Variants in TLN2 observed in about 807,000 individuals in gnomAD.
TLN2 encodes the protein talin-2.
A neutral mutation model predicts 294.7 loss-of-function variants in TLN2; 118 were observed. The observed-to-expected ratio is 0.40, with a 90% CI of 0.34 to 0.47. The LOEUF (loss-of-function observed/expected upper bound fraction) is 0.47. Ranked by LOEUF, TLN2 falls within the 20% of genes least tolerant of loss-of-function variation. The probability of loss-of-function intolerance (pLI) is 0.84; values close to 1 mark genes in which losing one functional copy is unlikely to be tolerated. For missense variants in TLN2, 3,083 were observed against 3,282.2 expected (o/e 0.94, Z 1.48); for synonymous variants, 1,431 against 1,304.5 (o/e 1.10, Z -2.09).
At chr15:62,633,459 G>A (rs1483681103) in intron 3 of TLN2, among the ~76,000 whole-genome samples, 1 of 152,104 alleles carries the variant, frequency 6.6e-6, no homozygotes, top group Non-Finnish European at 1.5e-5. Flanking sequence ...ACCATGCCCA[G>A]CTAGTTTTTA....
intron 1 of TLN2, among the ~76,000 whole-genome samples, chr15:62,457,456 G>T (rs981483372): frequency 6.6e-6 from 1 of 152,200 alleles, no homozygotes; most frequent in Admixed American, 6.5e-5. Flanking sequence ...TTCATAGCAG[G>T]GGTTCTTGGA....
chr15:62,750,507 C>G lies in TLN2; in HGVS notation c.4209+16C>G. On this transcript the variant is annotated intron_variant, in intron 34 of 58. Coordinates refer to ENST00000636159, the MANE Select transcript of TLN2 (RefSeq NM_015059.3). Reference sequence around the variant, plus strand: ...AAACTCCAAGGTAAGACTGCCTATGCCGTAAGTCAGAAGTTAGCATTGCTT... The same window carrying G: ...AAACTCCAAGGTAAGACTGCCTATGGCGTAAGTCAGAAGTTAGCATTGCTT... 1 of 1,606,200 alleles carries G rather than the reference C, an allele frequency of 6.2e-7. No homozygotes were observed. Among genetic ancestry groups the G allele is most frequent in the Admixed American group, 1.7e-5 (1 of 60,016 alleles).
At chr15:62,583,488 T>G (rs1469793317) in intron 1 of TLN2, among the ~76,000 whole-genome samples, 1 of 150,016 alleles carries the variant, frequency 6.7e-6, no homozygotes, top group Non-Finnish European at 1.5e-5. Context: ...TTTTCTCCTC[T>G]CGCCCTTCTT....
intron 2 of TLN2, among the ~76,000 whole-genome samples, chr15:62,589,979 AGAG>A (rs1383809068): frequency 6.6e-6 from 1 of 151,936 alleles, no homozygotes; most frequent in Non-Finnish European, 1.5e-5. Flanking sequence ...GTAGGGGCCC[AGAG>A]GAGGAGCTGA....
rs79935205 is a variant in TLN2 at position 62,532,950 on chromosome 15, G to T, written c.-237-56737G>T. On this transcript the variant is annotated intron_variant, in intron 1 of 58. Transcript: ENST00000636159. ...GTGTGCAGGAATTCATGGGGAAGGG[G>T]TTGTTAAACATGTGGATTCTAGGCT... Among the ~76,000 whole-genome samples the T allele has an allele frequency of 6.6e-5, 10 of 152,164 alleles. No individual in the cohort carries two copies. The East Asian group carries it at 1.5e-3, about 24-fold the overall frequency.
At chr15:62,586,934 T>C (rs2045656772) in intron 1 of TLN2, among the ~76,000 whole-genome samples, 1 of 152,260 alleles carries the variant, frequency 6.6e-6, no homozygotes, top group Non-Finnish European at 1.5e-5. Context: ...TTCTTATGAC[T>C]ACAGGATTAT....
At chr15:62,447,517 T>C (rs1243364353) in intron 1 of TLN2, among the ~76,000 whole-genome samples, 3 of 149,372 alleles carry the variant, frequency 2.0e-5, no homozygotes, top group African/African-American at 7.4e-5. Flanking sequence ...TTTTTTGAGA[T>C]GGAGTCTCGC....
At chr15:62,666,719 T>C (rs1344683663) in intron 9 of TLN2, among the ~76,000 whole-genome samples, 3 of 152,234 alleles carry the variant, frequency 2.0e-5, no homozygotes, top group African/African-American at 7.2e-5. Context: ...ACCTGTGTTA[T>C]CACCTCACTT....
At chr15:62,415,850 G>C (rs1012916627) in intron 1 of TLN2, among the ~76,000 whole-genome samples, 1 of 152,220 alleles carries the variant, frequency 6.6e-6, no homozygotes, top group African/African-American at 2.4e-5. Context: ...GTTGTGGGGG[G>C]TAGCCCTCCA....
At chr15:62,407,434 C>G (rs1041019938) in intron 1 of TLN2, among the ~76,000 whole-genome samples, 3 of 152,158 alleles carry the variant, frequency 2.0e-5, no homozygotes, top group African/African-American at 7.2e-5. Flanking sequence ...GAATCAGAAG[C>G]TCAGGTTGCA....
intron 37 of TLN2, 144 bp downstream of exon 37, chr15:62,755,837 G>T (rs1375995512): frequency 1.8e-6 from 2 of 1,140,464 alleles, no homozygotes; most frequent in Non-Finnish European, 2.4e-6. Flanking sequence ...TCACTGAATA[G>T]GCATCCCTTA....
intron 1 of TLN2, among the ~76,000 whole-genome samples, chr15:62,472,140 G>A (rs2037513994): frequency 1.3e-5 from 2 of 152,070 alleles, no homozygotes; most frequent in South Asian, 2.1e-4. Context: ...AAGGACTGAT[G>A]TCTGGGAATC....
At chr15:62,792,195 A>G (rs1359947203) in intron 45 of TLN2, among the ~76,000 whole-genome samples, 1 of 152,196 alleles carries the variant, frequency 6.6e-6, no homozygotes, top group Admixed American at 6.5e-5. Context: ...TTGAACCTCT[A>G]ATTACCCTCT....
At chr15:62,561,401 C>T (rs573538824) in intron 1 of TLN2, 1 of 152,336 alleles carries the variant, frequency 6.6e-6, no homozygotes, top group Admixed American at 6.5e-5. Context: ...ACAGCTAACG[C>T]CTTCGCGAGA....
chr15:62,598,337 C>T (rs2046715443), intron 2 of TLN2, among the ~76,000 whole-genome samples: 1 of 152,174 alleles, frequency 6.6e-6, no homozygotes, highest in South Asian at 2.1e-4. Context: ...GTCTTGGACA[C>T]GTTCTTCCAC....
chr15:62,778,651 A>G (rs17740893), intron 43 of TLN2, among the ~76,000 whole-genome samples: 28,766 of 152,190 alleles, frequency 0.19, 2,805 homozygotes, highest in East Asian at 0.25. Flanking sequence ...CATTAGTGGT[A>G]TAGCCTATGC....
At chr15:62,397,409 C>CACCATACCT (rs1360658626) in intron 1 of TLN2, among the ~76,000 whole-genome samples, 1 of 152,110 alleles carries the variant, frequency 6.6e-6, no homozygotes, top group Non-Finnish European at 1.5e-5. Flanking sequence ...AGGAACTTGC[C>CACCATACCT]ACCATACCTG....
chr15:62,833,409 G>A, intron 54 of TLN2, 95 bp from the exon 55 acceptor site: 2 of 1,528,854 alleles, frequency 1.3e-6, no homozygotes, highest in Non-Finnish European at 1.8e-6. Context: ...ACAATAGGCA[G>A]GTGAAGAGCC....
chr15:62,788,550 C>CT (rs200246442), intron 45 of TLN2, among the ~76,000 whole-genome samples: 329 of 152,284 alleles, frequency 2.2e-3, no homozygotes, highest in African/African-American at 7.6e-3. Flanking sequence ...AGATAACAAT[C>CT]TTTTTTTCTT....
Sources: gnomAD v4.1 joint callset for allele counts (sites outside exome capture counted in the v4.1 genomes callset) on GRCh38, gnomAD v4.1.1 for gene constraint, MANE v1.5 for transcripts, NCBI Gene and HGNC (gene_info 2026-07-23, HGNC 2026-07-21) for gene names.